GIGYF2: variants seen among roughly 807,000 people sequenced by gnomAD.
GIGYF2 encodes the protein GRB10 interacting GYF protein 2.
Under a neutral mutation model 208.1 loss-of-function variants are expected in GIGYF2, and 25 were observed. The ratio of observed to expected loss-of-function variants is 0.12; its 90% CI spans 0.09 to 0.17. The LOEUF (loss-of-function observed/expected upper bound fraction) is 0.17, where lower values mean the gene tolerates loss of function less well. Ranked by LOEUF, GIGYF2 falls within the 10% of genes least tolerant of loss-of-function variation. The probability of loss-of-function intolerance (pLI) is 1.00; values close to 1 mark genes in which losing one functional copy is unlikely to be tolerated. For synonymous variants in GIGYF2, 534 were observed against 543.8 expected, an observed-to-expected ratio of 0.98 and a Z score of 0.25; for missense variants, 1,302 against 1,579.4, an observed-to-expected ratio of 0.82 and a Z score of 2.98.
Position 232,817,838 on chromosome 2 carries a change from C to T in GIGYF2, c.2370+806C>T, listed in dbSNP as rs533182501. 3.3e-5 allele frequency among the ~76,000 whole-genome samples: 5 copies of T among 152,260 alleles called. 1 individual carries two copies. The East Asian group carries it at 7.7e-4, about 23-fold the overall frequency. On this transcript the variant is annotated intron_variant, in intron 20 of 28. Coordinates refer to ENST00000373563, the MANE Select transcript of GIGYF2 (RefSeq NM_001103146.3). ...ATTGTGAATAATGCTGCTGTGAACA[C>T]GGGTGTATAGATACCTGTTTGAGTC... is the stretch of plus-strand genomic sequence containing the variant.
chr2:232,721,624 T>A (rs1424520081), intron 2 of GIGYF2, among the ~76,000 whole-genome samples: 1 of 152,198 alleles, frequency 6.6e-6, no homozygotes, highest in Non-Finnish European at 1.5e-5. Flanking sequence ...TTTCACACAT[T>A]TTCTAGTTTA....
chr2:232,851,887 A>G (rs978108065), intron 28 of GIGYF2, among the ~76,000 whole-genome samples: 2 of 152,198 alleles, frequency 1.3e-5, no homozygotes, highest in African/African-American at 4.8e-5. Context: ...GTGACTTGGA[A>G]TAGGGTTTTG....
At chr2:232,856,262 T>G (rs957994265) in intron 28 of GIGYF2, among the ~76,000 whole-genome samples, 1 of 152,154 alleles carries the variant, frequency 6.6e-6, no homozygotes, top group African/African-American at 2.4e-5. Flanking sequence ...GATGCTATTT[T>G]GTTTTATTTT....
chr2:232,730,663 C>T (rs1207250291), intron 2 of GIGYF2, among the ~76,000 whole-genome samples: 1 of 145,728 alleles, frequency 6.9e-6, no homozygotes, highest in African/African-American at 2.6e-5. Flanking sequence ...CTTTGGGAGG[C>T]CGAGGCGGGC....
intron 8 of GIGYF2, among the ~76,000 whole-genome samples, chr2:232,786,932 A>G (rs888837457): frequency 3.9e-5 from 6 of 152,192 alleles, no homozygotes; most frequent in African/African-American, 7.2e-5. Context: ...AAAATTTTAC[A>G]TAATATTTTT....
At chr2:232,828,089 A>G (rs538005822) in intron 21 of GIGYF2, among the ~76,000 whole-genome samples, 1 of 152,232 alleles carries the variant, frequency 6.6e-6, no homozygotes, top group African/African-American at 2.4e-5. Context: ...CCCTGGGCTC[A>G]GGTGATCCTC....
intron 8 of GIGYF2, among the ~76,000 whole-genome samples, chr2:232,763,372 G>A (rs1457126432): frequency 6.6e-6 from 1 of 152,008 alleles, no homozygotes. Flanking sequence ...GACCCCCAGT[G>A]GATGCCTGAA....
intron 2 of GIGYF2, among the ~76,000 whole-genome samples, chr2:232,704,498 A>C (rs552288338): frequency 6.6e-6 from 1 of 151,858 alleles, no homozygotes; most frequent in African/African-American, 2.4e-5. Context: ...TCTGTCTCCC[A>C]GGTTCAAGTG....
chr2:232,700,743 T>G (rs1389750100), intron 1 of GIGYF2: 4 of 152,206 alleles, frequency 2.6e-5, no homozygotes, highest in Non-Finnish European at 5.9e-5. Context: ...AAGCTTTTTT[T>G]CACTGCTTGA....
chr2:232,756,379 G>A, intron 6 of GIGYF2, 45 bp downstream of exon 6: 1 of 1,004,792 alleles, frequency 1.0e-6, no homozygotes, highest in South Asian at 1.5e-5. Flanking sequence ...AGGAGGAGGA[G>A]GATAGAGAAC....
At chr2:232,823,362 TCTTTC>T (rs1286570833) in intron 21 of GIGYF2, among the ~76,000 whole-genome samples, 1 of 85,662 alleles carries the variant, frequency 1.2e-5, no homozygotes, top group African/African-American at 4.6e-5. Context: ...TTCCTTTCTT[TCTTTC>T]TTTTTTTTTT....
intron 8 of GIGYF2, among the ~76,000 whole-genome samples, chr2:232,786,745 T>C (rs941967408): frequency 4.6e-5 from 7 of 152,148 alleles, no homozygotes; most frequent in African/African-American, 1.4e-4. Flanking sequence ...ATTTATAACA[T>C]CCTGAGGGTG....
At chr2:232,727,130 A>G (rs970758325) in intron 2 of GIGYF2, among the ~76,000 whole-genome samples, 1 of 152,038 alleles carries the variant, frequency 6.6e-6, no homozygotes, top group African/African-American at 2.4e-5. Flanking sequence ...ACACCCAGCT[A>G]ATTTTTTGTA....
At chr2:232,757,829 CT>C (rs1489479224) in intron 6 of GIGYF2, among the ~76,000 whole-genome samples, 2 of 132,790 alleles carry the variant, frequency 1.5e-5, no homozygotes, top group African/African-American at 5.3e-5. Flanking sequence ...TTTCTCCTTG[CT>C]TTTTGGTTTA....
chr2:232,741,400 TTGCACCAGTGGCCTACTGA>T, intron 3 of GIGYF2, among the ~76,000 whole-genome samples: 2 of 152,170 alleles, frequency 1.3e-5, no homozygotes. Flanking sequence ...ACATAAATTT[TTGCACCAGTGGCCTACTGA>T]TGTTTCCTGG....
chr2:232,723,994 A>G (rs1697070428), intron 2 of GIGYF2, among the ~76,000 whole-genome samples: 1 of 151,144 alleles, frequency 6.6e-6, no homozygotes, highest in African/African-American at 2.4e-5. Flanking sequence ...TCGGCCTCCG[A>G]AAGTGCTGGG....
rs1478105157 is a variant in GIGYF2, at chr2:232,762,287, C to CTT, written c.532+852_532+853insTT. The stretch of plus-strand genomic sequence containing the variant: ...GACAGAGTCTCAGAGGCTGGAGACT[C>CTT]TGTCACCCAGGCTGGAGTGCAATGG... On this transcript the variant is annotated intron_variant, in intron 8 of 28. Coordinates refer to ENST00000373563, the MANE Select transcript of GIGYF2 (RefSeq NM_001103146.3). Among the ~76,000 whole-genome samples, 4 of 143,630 alleles carry CTT rather than the reference C, an allele frequency of 2.8e-5. No homozygotes were observed. The Admixed American group carries it at 2.9e-4, about 10-fold the overall frequency. The allele number at this position is 143,630 out of a possible 152,430, so 94.2% of individuals were successfully genotyped here.
intron 25 of GIGYF2, among the ~76,000 whole-genome samples, chr2:232,844,888 A>T (rs1574949336): frequency 6.6e-6 from 1 of 152,308 alleles, no homozygotes; most frequent in Non-Finnish European, 1.5e-5. Context: ...TTCTCTAGAT[A>T]CCTTAGCATT....
intron 2 of GIGYF2, chr2:232,729,661 C>A: frequency 1.1e-6 from 1 of 946,944 alleles, no homozygotes; most frequent in South Asian, 1.3e-5. Flanking sequence ...TTCTGTATCC[C>A]ACTTGAACTA....
Sources: allele counts gnomAD v4.1 joint callset (sites outside exome capture counted in the v4.1 genomes callset), GRCh38; gene constraint gnomAD v4.1.1; transcripts MANE v1.5; gene names NCBI Gene and HGNC (gene_info 2026-07-23, HGNC 2026-07-21).